The following FGGY variants were observed in gnomAD, a reference collection of about 807,000 sequenced individuals.
FGGY encodes FGGY carbohydrate kinase domain containing, also known as FGGY carbohydrate kinase domain-containing protein.
FGGY carries 72 observed loss-of-function variants against 71.3 expected under a neutral mutation model. That is an observed-to-expected ratio of 1.01 (90% CI 0.84 to 1.23). The LOEUF (loss-of-function observed/expected upper bound fraction) is 1.23, where lower values mean the gene tolerates loss of function less well. Among genes scored for constraint, FGGY ranks in the 50% most tolerant of loss-of-function variants. The pLI is 0.00. For synonymous variants in FGGY, 251 were observed against 250.3 expected, an observed-to-expected ratio of 1.00 and a Z score of -0.02; for missense variants, 668 against 682.3, an observed-to-expected ratio of 0.98 and a Z score of 0.23.
At chr1:59,490,547 T>C (rs1474559517) in intron 6 of FGGY, among the ~76,000 whole-genome samples, 8 of 152,174 alleles carry the variant, frequency 5.3e-5, no homozygotes, top group Admixed American at 3.9e-4. Flanking sequence ...AAAAATTTTT[T>C]CTTTTGTTGC....
At chr1:59,338,616 G>C (rs1460376349) in intron 2 of FGGY, among the ~76,000 whole-genome samples, 1 of 151,814 alleles carries the variant, frequency 6.6e-6, no homozygotes, top group Non-Finnish European at 1.5e-5. Context: ...GTTTTATTTT[G>C]CTAAGAGGAT....
At chr1:59,576,288 C>G (rs1162486475) in intron 8 of FGGY, among the ~76,000 whole-genome samples, 1 of 152,000 alleles carries the variant, frequency 6.6e-6, no homozygotes, top group African/African-American at 2.4e-5. Flanking sequence ...TCTCAGCAAA[C>G]TAACACAGGA....
chr1:59,370,113 T>TC (rs1411640709), intron 4 of FGGY, among the ~76,000 whole-genome samples: 7 of 152,130 alleles, frequency 4.6e-5, no homozygotes, highest in African/African-American at 1.7e-4. Context: ...ATGAAACTAC[T>TC]CCGAGCTACT....
chr1:59,551,112 G>T (rs927427875), intron 7 of FGGY, among the ~76,000 whole-genome samples: 4 of 152,078 alleles, frequency 2.6e-5, no homozygotes, highest in African/African-American at 7.2e-5. Flanking sequence ...TGATGGTGGT[G>T]GTGGAGAGAG....
chr1:59,492,565 A>G (rs540401895), intron 6 of FGGY, among the ~76,000 whole-genome samples: 20 of 152,312 alleles, frequency 1.3e-4, no homozygotes, highest in African/African-American at 4.6e-4. Flanking sequence ...AGCATAGGAA[A>G]GAGACTAGAT....
At chr1:59,495,368 G>T (rs573015889) in intron 6 of FGGY, among the ~76,000 whole-genome samples, 3 of 151,918 alleles carry the variant, frequency 2.0e-5, no homozygotes, top group Non-Finnish European at 4.4e-5. Context: ...TGCTTTTGTT[G>T]CAATTGCTTT....
At position 59,570,782 on chromosome 1, in the gene FGGY, A is replaced by C. The variant is rs145570054; in HGVS notation, c.903+16555A>C. ...CAGTGTTTAATCCAGCTCTCTACCC[A>C]GCCCTTCCTTGAGCCTGGGCACAGA... On this transcript the variant is annotated intron_variant, in intron 8 of 15. Coordinates refer to ENST00000303721, the MANE Select transcript of FGGY (RefSeq NM_018291.5). 2.9e-3 allele frequency among the ~76,000 whole-genome samples: 435 copies of C among 152,286 alleles called. 4 individuals are homozygous for C. Among genetic ancestry groups the C allele is most frequent in the African/African-American group, 9.7e-3 (402 of 41,558 alleles).
chr1:59,519,616 A>C (rs945244681), intron 7 of FGGY, among the ~76,000 whole-genome samples: 1 of 152,182 alleles, frequency 6.6e-6, no homozygotes, highest in Non-Finnish European at 1.5e-5. Context: ...CTAATAATAA[A>C]ATAATAACAT....
Position 59,583,179 on chromosome 1 carries a change from G to A in FGGY, c.904-24624G>A, listed in dbSNP as rs916891050. On this transcript the variant is annotated intron_variant, in intron 8 of 15. Coordinates refer to ENST00000303721, the MANE Select transcript of FGGY (RefSeq NM_018291.5). ...TTATACCATGATGTAACTAACTATA[G>A]GAAGTGTCCCTATGCAACATCTTTC... is the stretch of plus-strand genomic sequence containing the variant. Among the ~76,000 whole-genome samples the A allele has an allele frequency of 1.1e-4, 16 of 142,868 alleles. 3 individuals carry two copies. Among genetic ancestry groups the A allele is most frequent in the Admixed American group, 4.1e-4 (6 of 14,536 alleles). 93.7% of individuals were successfully genotyped at this position (142,868 alleles called of 152,430 possible).
chr1:59,474,651 A>G (rs781145462), intron 6 of FGGY, among the ~76,000 whole-genome samples: 3 of 152,256 alleles, frequency 2.0e-5, no homozygotes, highest in Non-Finnish European at 4.4e-5. Context: ...CCATTGTCCA[A>G]TCTTCAGTCA....
intron 11 of FGGY, among the ~76,000 whole-genome samples, chr1:59,648,119 G>T (rs1454391553): frequency 8.7e-6 from 1 of 114,876 alleles, no homozygotes; most frequent in African/African-American, 4.2e-5. Flanking sequence ...TGGTGTATAT[G>T]TGCCACATTT....
intron 8 of FGGY, among the ~76,000 whole-genome samples, chr1:59,592,377 C>A (rs1439289610): frequency 6.6e-6 from 1 of 152,072 alleles, no homozygotes; most frequent in Non-Finnish European, 1.5e-5. Flanking sequence ...GTCAGTGTGG[C>A]AATTCCTCAG....
At chr1:59,372,051 C>G (rs1322289588) in intron 4 of FGGY, among the ~76,000 whole-genome samples, 9 of 152,094 alleles carry the variant, frequency 5.9e-5, no homozygotes, top group Admixed American at 5.2e-4. Flanking sequence ...CGAGAAATAA[C>G]TAAGATCAGA....
chr1:59,356,507 C>T (rs988259391), intron 4 of FGGY, among the ~76,000 whole-genome samples: 4 of 152,194 alleles, frequency 2.6e-5, no homozygotes, highest in African/African-American at 9.6e-5. Flanking sequence ...CTTATCTCTA[C>T]CCTAGAATTT....
intron 6 of FGGY, among the ~76,000 whole-genome samples, chr1:59,501,035 A>G (rs567349745): frequency 6.6e-6 from 1 of 152,312 alleles, no homozygotes; most frequent in Admixed American, 6.5e-5. Flanking sequence ...TATAGTTAAC[A>G]CCAGATCCAC....
intron 5 of FGGY, among the ~76,000 whole-genome samples, chr1:59,393,712 A>T (rs1276066809): frequency 6.6e-6 from 1 of 152,088 alleles, no homozygotes; most frequent in African/African-American, 2.4e-5. Context: ...GATCTCAGGG[A>T]TTGAATGTGT....
At chr1:59,581,329 G>GA (rs2096190793) in intron 8 of FGGY, among the ~76,000 whole-genome samples, 1 of 150,076 alleles carries the variant, frequency 6.7e-6, no homozygotes, top group Admixed American at 6.6e-5. Context: ...TTCTATTGGA[G>GA]AAAATGGAAC....
intron 15 of FGGY, among the ~76,000 whole-genome samples, chr1:59,760,691 CA>C (rs2098334032): frequency 6.6e-6 from 1 of 152,128 alleles, no homozygotes; most frequent in Non-Finnish European, 1.5e-5. Flanking sequence ...AAGATAACCA[CA>C]AAAAGACAAA....
chr1:59,669,010 A>G (rs2097351348), intron 13 of FGGY, among the ~76,000 whole-genome samples: 1 of 151,670 alleles, frequency 6.6e-6, no homozygotes, highest in African/African-American at 2.4e-5. Flanking sequence ...AAAAAAAAAA[A>G]AAGCATACAG....
Sources: allele counts gnomAD v4.1 joint callset (sites outside exome capture counted in the v4.1 genomes callset), GRCh38; gene constraint gnomAD v4.1.1; transcripts MANE v1.5; gene names NCBI Gene and HGNC (gene_info 2026-07-23, HGNC 2026-07-21).